ASPRV1: variants seen among roughly 807,000 people sequenced by gnomAD.
ASPRV1 encodes the protein retroviral-like aspartic protease 1.
ASPRV1 carries 7 observed loss-of-function variants against 11.0 expected under a neutral mutation model. The observed-to-expected ratio is 0.64, with a 90% CI of 0.36 to 1.20. The LOEUF (loss-of-function observed/expected upper bound fraction) is 1.20. Ranked by LOEUF, ASPRV1 falls within the 50% of genes most tolerant of loss-of-function variation. The pLI is 0.02. For missense variants in ASPRV1, 299 were observed against 320.0 expected (o/e 0.93, Z 0.50); for synonymous variants, 136 against 138.4 (o/e 0.98, Z 0.12).
chr2:69,956,006 G>A (rs555970019), downstream of ASPRV1, among the ~76,000 whole-genome samples: 7 of 152,112 alleles, frequency 4.6e-5, no homozygotes, highest in Non-Finnish European at 1.0e-4. Flanking sequence ...AGAGCTCCTG[G>A]AGAAATGGCT....
At chr2:70,020,018 ACAT>A in the ASPRV1 span, among the ~76,000 whole-genome samples, 1 of 152,170 alleles carries the variant, frequency 6.6e-6, no homozygotes, top group East Asian at 1.9e-4. Context: ...ATATATCAAA[ACAT>A]CATGTTGTAT....
the ASPRV1 span, among the ~76,000 whole-genome samples, chr2:70,036,150 C>G: frequency 1.3e-5 from 2 of 151,904 alleles, no homozygotes; most frequent in East Asian, 2.0e-4. Flanking sequence ...AAAGCTGCAG[C>G]CTGGAGCTAG....
chr2:69,943,183 G>A, the ASPRV1 span, among the ~76,000 whole-genome samples: 1 of 152,124 alleles, frequency 6.6e-6, no homozygotes, highest in Non-Finnish European at 1.5e-5. Flanking sequence ...CCACCTACTG[G>A]TTTCACCTGC....
chr2:70,073,379 C>T, the ASPRV1 span: 4 of 152,120 alleles, frequency 2.6e-5, no homozygotes, highest in Non-Finnish European at 4.4e-5. Context: ...GGCAGTACAA[C>T]TTAGTAGCTA....
At chr2:70,080,082 G>A in the ASPRV1 span, among the ~76,000 whole-genome samples, 5 of 152,056 alleles carry the variant, frequency 3.3e-5, no homozygotes, top group Non-Finnish European at 7.4e-5. Flanking sequence ...AATCATTCTT[G>A]AACTCCTTTC....
chr2:70,023,356 G>A, the ASPRV1 span, among the ~76,000 whole-genome samples: 2 of 152,186 alleles, frequency 1.3e-5, no homozygotes, highest in Non-Finnish European at 2.9e-5. Flanking sequence ...AGAGGTCTAT[G>A]CCTTGCTGAT....
At chr2:70,020,363 G>A in the ASPRV1 span, among the ~76,000 whole-genome samples, 1 of 152,180 alleles carries the variant, frequency 6.6e-6, no homozygotes. Flanking sequence ...GTGATGAATG[G>A]ATGGACAAAA....
the ASPRV1 span, among the ~76,000 whole-genome samples, chr2:69,978,862 C>T: frequency 6.6e-6 from 1 of 152,212 alleles, no homozygotes; most frequent in Non-Finnish European, 1.5e-5. Flanking sequence ...CACGGCAGGT[C>T]TGTGCCATTT....
the ASPRV1 span, chr2:70,056,192 T>C: frequency 2.6e-5 from 4 of 151,998 alleles, no homozygotes; most frequent in African/African-American, 9.6e-5. Flanking sequence ...AAAGGAGGGG[T>C]AGGGCAAGAA....
chr2:70,053,761 T>C, the ASPRV1 span: 1 of 148,352 alleles, frequency 6.7e-6, no homozygotes, highest in African/African-American at 2.6e-5. Flanking sequence ...ATCACACTCA[T>C]GTACGCATCT....
upstream of ASPRV1, chr2:69,964,235 G>GC (rs1358710497): frequency 5.2e-6 from 2 of 381,310 alleles, no homozygotes; most frequent in Non-Finnish European, 1.0e-5. Context: ...GCCCACCTTG[G>GC]CCCCATCCTT....
At chr2:70,047,602 G>C in the ASPRV1 span, among the ~76,000 whole-genome samples, 1 of 152,196 alleles carries the variant, frequency 6.6e-6, no homozygotes, top group Non-Finnish European at 1.5e-5. Context: ...GAGGCAGCTG[G>C]GGGATCCTCC....
At chr2:69,966,983 T>C in the ASPRV1 span, among the ~76,000 whole-genome samples, 2 of 152,150 alleles carry the variant, frequency 1.3e-5, no homozygotes, top group Non-Finnish European at 2.9e-5. Context: ...CTTACATGTA[T>C]AGAAATCTCC....
chr2:69,977,671 T>C, the ASPRV1 span, among the ~76,000 whole-genome samples: 2 of 152,120 alleles, frequency 1.3e-5, no homozygotes, highest in African/African-American at 4.8e-5. Context: ...TAAATACAAA[T>C]GAAAAGAAGT....
chr2:69,961,569 C>T lies in ASPRV1; in HGVS notation c.-133G>A, dbSNP rs1558581555. 4 of 1,614,072 alleles carry T rather than the reference C, an allele frequency of 2.5e-6. No individual in the cohort carries two copies. Among genetic ancestry groups the T allele is most frequent in the Non-Finnish European group, 3.4e-6 (4 of 1,179,970 alleles). On this transcript the variant is annotated 5_prime_UTR_variant, in exon 1 of 1. Transcript: ENST00000320256. ...TGGGGATGACTTGCCCGGCCTTGGGCAAGCAGGAGGGAGCAGGCGCGGTCG... is the reference window on the plus strand; with the variant it reads ...TGGGGATGACTTGCCCGGCCTTGGGTAAGCAGGAGGGAGCAGGCGCGGTCG...
the ASPRV1 span, among the ~76,000 whole-genome samples, chr2:69,932,972 G>T: frequency 3.4e-3 from 525 of 152,192 alleles, 4 homozygotes; most frequent in African/African-American, 0.01. Context: ...GCTGAGGCAG[G>T]CAGATTGCTT....
the ASPRV1 span, among the ~76,000 whole-genome samples, chr2:70,024,662 C>T: frequency 4.6e-5 from 7 of 152,134 alleles, no homozygotes; most frequent in African/African-American, 1.7e-4. Flanking sequence ...CTTTCCTTTC[C>T]CTGCCTCCCC....
At chr2:70,040,908 T>G in the ASPRV1 span, among the ~76,000 whole-genome samples, 1 of 152,318 alleles carries the variant, frequency 6.6e-6, no homozygotes, top group Admixed American at 6.5e-5. Context: ...AAGCTCTATT[T>G]AAGATCTCTG....
chr2:69,986,034 G>A, the ASPRV1 span, among the ~76,000 whole-genome samples: 1 of 152,164 alleles, frequency 6.6e-6, no homozygotes, highest in South Asian at 2.1e-4. Flanking sequence ...ACTCACTGTC[G>A]GGACAGGGGG....
Sources: allele counts gnomAD v4.1 joint callset (sites outside exome capture counted in the v4.1 genomes callset), GRCh38; gene constraint gnomAD v4.1.1; transcripts MANE v1.5; gene names NCBI Gene and HGNC (gene_info 2026-07-23, HGNC 2026-07-21).